SLCO5A1: variants seen among roughly 807,000 people sequenced by gnomAD.
The protein encoded by SLCO5A1 is organic anion transporter polypeptide-related protein 4.
A neutral mutation model predicts 65.1 loss-of-function variants in SLCO5A1; 39 were observed. The observed-to-expected ratio is 0.60, with a 90% CI of 0.46 to 0.78. The LOEUF (loss-of-function observed/expected upper bound fraction) is 0.78. SLCO5A1 is among the 30% of genes least tolerant of loss of function. The pLI is 0.00. For synonymous variants in SLCO5A1, 438 were observed against 415.7 expected (o/e 1.05, Z -0.65); for missense variants, 1,029 against 1,069.4 (o/e 0.96, Z 0.53).
intron 3 of SLCO5A1, among the ~76,000 whole-genome samples, chr8:69,756,938 C>T (rs1338174943): frequency 6.6e-6 from 1 of 152,252 alleles, no homozygotes; most frequent in Non-Finnish European, 1.5e-5. Context: ...GCCATTCAAG[C>T]TTCCAAGTTC....
chr8:69,767,611 G>A (rs989832191), intron 2 of SLCO5A1, among the ~76,000 whole-genome samples: 2 of 152,174 alleles, frequency 1.3e-5, no homozygotes, highest in African/African-American at 4.8e-5. Context: ...GCTGTTTTAG[G>A]CCAGGCATGG....
intron 2 of SLCO5A1, among the ~76,000 whole-genome samples, chr8:69,769,447 C>G (rs187669038): frequency 2.6e-5 from 4 of 152,154 alleles, no homozygotes; most frequent in Non-Finnish European, 4.4e-5. Flanking sequence ...CCCCAGCCCC[C>G]ACACCTGTGC....
At chr8:69,784,949 A>AG (rs1491111809) in intron 2 of SLCO5A1, among the ~76,000 whole-genome samples, 28 of 139,210 alleles carry the variant, frequency 2.0e-4, no homozygotes, top group African/African-American at 7.4e-4. Flanking sequence ...AAAGAAAGAA[A>AG]GAAGAAAGGA....
intron 9 of SLCO5A1, among the ~76,000 whole-genome samples, chr8:69,674,864 A>AC (rs1813483669): frequency 1.6e-4 from 8 of 48,506 alleles, no homozygotes; most frequent in African/African-American, 5.7e-4. Context: ...CTACTAAAAA[A>AC]AAAAACAAAA....
chr8:69,817,735 T>C (rs769250940), intron 2 of SLCO5A1, among the ~76,000 whole-genome samples: 1 of 152,214 alleles, frequency 6.6e-6, no homozygotes, highest in Non-Finnish European at 1.5e-5. Flanking sequence ...CCCTTCTCCG[T>C]ATGATCAAGT....
Position 69,793,435 on chromosome 8 carries a change from C to T in SLCO5A1, c.908-31560G>A, listed in dbSNP as rs191476639. ...ATGGCTACTTTCACACATGTTTATC[C>T]TTTGAGTCTTTTTTTTCCTATGTCA... On this transcript the variant is annotated intron_variant, in intron 2 of 9. Transcript: ENST00000260126. Among the ~76,000 whole-genome samples the T allele has an allele frequency of 7.5e-3, 1,136 of 151,946 alleles. 14 individuals are homozygous for T. The highest frequency in any genetic ancestry group is 0.026 in the African/African-American group (1,088 of 41,442).
chr8:69,824,822 C>A (rs1820799736), intron 2 of SLCO5A1, among the ~76,000 whole-genome samples: 3 of 151,972 alleles, frequency 2.0e-5, no homozygotes, highest in South Asian at 2.1e-4. Flanking sequence ...GAGACACAAC[C>A]AAAAAAGAGA....
intron 4 of SLCO5A1, among the ~76,000 whole-genome samples, chr8:69,749,341 G>A (rs889299812): frequency 2.6e-5 from 4 of 152,174 alleles, no homozygotes; most frequent in East Asian, 1.9e-4. Flanking sequence ...CTGTTTCACC[G>A]GGCGCAGTGG....
intron 5 of SLCO5A1, among the ~76,000 whole-genome samples, chr8:69,710,257 G>A (rs1480491535): frequency 2.0e-5 from 3 of 152,086 alleles, no homozygotes; most frequent in African/African-American, 7.2e-5. Flanking sequence ...GACCTCAGGT[G>A]ATCCACCCAC....
intron 2 of SLCO5A1, among the ~76,000 whole-genome samples, chr8:69,826,674 C>G (rs576745934): frequency 2.6e-5 from 4 of 152,222 alleles, no homozygotes; most frequent in African/African-American, 9.7e-5. Context: ...CACTTTTACA[C>G]TGTTGGTGGG....
chr8:69,699,856 C>T (rs1276599703), intron 6 of SLCO5A1, among the ~76,000 whole-genome samples: 9 of 152,358 alleles, frequency 5.9e-5, no homozygotes, highest in Admixed American at 2.0e-4. Flanking sequence ...AGGTGGCTCA[C>T]GCCTGTAATC....
intron 2 of SLCO5A1, among the ~76,000 whole-genome samples, chr8:69,765,330 G>A (rs148947823): frequency 4.0e-5 from 6 of 150,510 alleles, no homozygotes; most frequent in East Asian, 3.9e-4. Context: ...CATATATGAC[G>A]GTATATTACA....
At chr8:69,784,727 A>G (rs957283524) in intron 2 of SLCO5A1, among the ~76,000 whole-genome samples, 5 of 150,960 alleles carry the variant, frequency 3.3e-5, no homozygotes, top group Non-Finnish European at 7.4e-5. Flanking sequence ...GGCAGAGGCT[A>G]CAGTGAGTCA....
chr8:69,734,504 A>G (rs1020702327), intron 5 of SLCO5A1, among the ~76,000 whole-genome samples: 9 of 152,214 alleles, frequency 5.9e-5, no homozygotes, highest in Admixed American at 4.6e-4. Flanking sequence ...AATGTATTTC[A>G]TAAGTTTTCT....
At chr8:69,806,236 T>G (rs1261939815) in intron 2 of SLCO5A1, among the ~76,000 whole-genome samples, 2 of 152,244 alleles carry the variant, frequency 1.3e-5, no homozygotes, top group Non-Finnish European at 2.9e-5. Flanking sequence ...CTTTAAGCCT[T>G]GGCTTACACA....
Position 69,831,758 on chromosome 8 carries a change from A to C in SLCO5A1, c.907+9T>G. The C allele has an allele frequency of 6.2e-7, 1 of 1,607,790 alleles. No individual in the cohort carries two copies. The highest frequency in any genetic ancestry group is 1.1e-5 in the South Asian group (1 of 89,392). ...GTGAAACATATCTGAGAGAACAGGA[A>C]AGTCTTACCTAGGTACAAGGAGGAG... On this transcript the variant is annotated intron_variant, in intron 2 of 9. Transcript: ENST00000260126.
intron 5 of SLCO5A1, among the ~76,000 whole-genome samples, chr8:69,732,275 A>G (rs1225595218): frequency 6.6e-6 from 1 of 152,146 alleles, no homozygotes; most frequent in Non-Finnish European, 1.5e-5. Context: ...CGCAGAAGTA[A>G]GTATCTCAAT....
Position 69,673,094 on chromosome 8 carries a change from TTC to T in SLCO5A1, c.2320_2321del (p.Glu774IlefsTer8). ...EDGLQRRRQR[E>X]FPLSTVSERV... Reference sequence around the variant, plus strand: ...TCTCACTCACGGTGCTCAGGGGAAATTCTCTCTGCCTCCGCCTCTGCAGTCCA... The same window carrying T: ...TCTCACTCACGGTGCTCAGGGGAAATTCTCTGCCTCCGCCTCTGCAGTCCA... On this transcript the variant is annotated frameshift_variant, in exon 10 of 10. Transcript: ENST00000260126. LOFTEE classifies it high-confidence loss of function. 6.2e-7 allele frequency: 1 copy of T among 1,614,220 alleles called. No homozygotes were observed. The highest frequency in any genetic ancestry group is 8.5e-7 in the Non-Finnish European group (1 of 1,180,036).
In SLCO5A1 at chr8:69,672,995, C is replaced by A. The variant is rs1329801768; in HGVS notation, c.2421G>T (p.Glu807Asp). ...AFSTQGEFHE[E>D]TGLQKGIQCA... ...ACTGGATCCCTTTTTGCAGGCCAGT[C>A]TCTTCGTGGAATTCTCCCTGGGTGC... The change falls in exon 10 of 10, where the codon GAG becomes GAT. Residue 807 changes from glutamate (E) to aspartate (D), a missense_variant. Glu to Asp is a conservative substitution (Grantham distance 45, BLOSUM62 2). This residue lies in a region of SLCO5A1 where 258 missense variants were observed against 237.4 expected (regional missense o/e 1.09). Transcript: ENST00000260126. 6.2e-7 allele frequency: 1 copy of A among 1,614,224 alleles called. No homozygotes were observed. The highest frequency in any genetic ancestry group is 8.5e-7 in the Non-Finnish European group (1 of 1,180,044).
Sources: gnomAD v4.1 joint callset for allele counts (sites outside exome capture counted in the v4.1 genomes callset) on GRCh38, gnomAD v4.1.1 for gene constraint, gnomAD v4.1.1 regional missense constraint, MANE v1.5 for transcripts, NCBI Gene and HGNC (gene_info 2026-07-23, HGNC 2026-07-21) for gene names.